The following TBC1D19 variants were observed in gnomAD, a reference collection of about 807,000 sequenced individuals.
The protein encoded by TBC1D19 is TBC1 domain family, member 19.
Under a neutral mutation model 89.0 loss-of-function variants are expected in TBC1D19, and 60 were observed. The ratio of observed to expected loss-of-function variants is 0.67; its 90% CI spans 0.55 to 0.84. The LOEUF (loss-of-function observed/expected upper bound fraction) is 0.84, where lower values mean the gene tolerates loss of function less well. TBC1D19 is among the 40% of genes least tolerant of loss of function. TBC1D19 has a pLI of 0.00. For missense variants in TBC1D19, 500 were observed against 610.8 expected (o/e 0.82, Z 1.91); for synonymous variants, 189 against 199.7 (o/e 0.95, Z 0.45).
the TBC1D19 span, among the ~76,000 whole-genome samples, chr4:26,766,514 A>T: frequency 1.1e-4 from 16 of 152,184 alleles, no homozygotes; most frequent in African/African-American, 3.9e-4. Context: ...TCCACTCCTA[A>T]GTAACCACCA....
the TBC1D19 span, among the ~76,000 whole-genome samples, chr4:26,850,560 A>AAAAAAAAAAAAAG: frequency 1.3e-5 from 2 of 148,590 alleles, no homozygotes; most frequent in African/African-American, 5.0e-5. Flanking sequence ...AAAAAAAAAA[A>AAAAAAAAAAAAAG]AAGAAGAAGA....
chr4:26,744,139 AG>A (rs1250233729), intron 18 of TBC1D19, among the ~76,000 whole-genome samples: 3 of 151,570 alleles, frequency 2.0e-5, no homozygotes, highest in Non-Finnish European at 3.0e-5. Context: ...GTCTTTTACT[AG>A]GTTATCATAT....
At chr4:26,853,243 T>C in the TBC1D19 span, among the ~76,000 whole-genome samples, 1 of 152,200 alleles carries the variant, frequency 6.6e-6, no homozygotes, top group African/African-American at 2.4e-5. Context: ...ACATACATCC[T>C]TTCCCCAAAA....
rs565292548 is a variant in TBC1D19 at position 26,681,673 on chromosome 4, C to A, written c.817-2002C>A. 5.2e-4 allele frequency among the ~76,000 whole-genome samples: 79 copies of A among 152,226 alleles called. 2 individuals are homozygous for A. The South Asian group carries it at 0.016, about 31-fold the overall frequency. ...CAACATTATTTGTAGGGACAAACAA[C>A]CTGAGTATCCATCTATAGGGATATG... On this transcript the variant is annotated intron_variant, in intron 11 of 20. Transcript: ENST00000264866.
the TBC1D19 span, among the ~76,000 whole-genome samples, chr4:26,846,216 T>C: frequency 2.0e-5 from 3 of 152,244 alleles, no homozygotes; most frequent in African/African-American, 7.2e-5. Context: ...GAATATCTTA[T>C]ATTTTTTAAT....
chr4:26,688,959 A>T (rs1307020689), intron 13 of TBC1D19, among the ~76,000 whole-genome samples: 1 of 152,062 alleles, frequency 6.6e-6, no homozygotes, highest in Non-Finnish European at 1.5e-5. Flanking sequence ...AGATATGTAC[A>T]TATTAATAAT....
At chr4:26,619,775 C>T (rs1741921840) in intron 3 of TBC1D19, among the ~76,000 whole-genome samples, 1 of 152,098 alleles carries the variant, frequency 6.6e-6, no homozygotes, top group South Asian at 2.1e-4. Flanking sequence ...TTTCTCTATT[C>T]CAGCAATGTT....
intron 13 of TBC1D19, among the ~76,000 whole-genome samples, chr4:26,690,694 G>A (rs1714197230): frequency 6.6e-6 from 1 of 152,152 alleles, no homozygotes; most frequent in Non-Finnish European, 1.5e-5. Context: ...TACTGTTGAA[G>A]CCTACTATTC....
chr4:26,827,674 T>C, the TBC1D19 span, among the ~76,000 whole-genome samples: 1 of 151,942 alleles, frequency 6.6e-6, no homozygotes, highest in Admixed American at 6.6e-5. Flanking sequence ...TTTTTGAGGA[T>C]GGAACCAATT....
intron 13 of TBC1D19, among the ~76,000 whole-genome samples, chr4:26,692,756 A>T (rs984559229): frequency 6.6e-6 from 1 of 152,266 alleles, no homozygotes; most frequent in Non-Finnish European, 1.5e-5. Context: ...AGGAGTCCTG[A>T]TGGGATAGGA....
At chr4:26,800,641 A>G in the TBC1D19 span, among the ~76,000 whole-genome samples, 251 of 152,196 alleles carry the variant, frequency 1.6e-3, no homozygotes, top group African/African-American at 5.8e-3. Flanking sequence ...AAGTGTTCCT[A>G]TTTCTCCACA....
the TBC1D19 span, among the ~76,000 whole-genome samples, chr4:26,792,059 A>C: frequency 0.36 from 54,933 of 152,046 alleles, 10,939 homozygotes; most frequent in East Asian, 0.57. Context: ...GGCTGAAAAG[A>C]GGTGACCACT....
At chr4:26,632,391 A>T (rs544705863) in intron 4 of TBC1D19, among the ~76,000 whole-genome samples, 1 of 151,460 alleles carries the variant, frequency 6.6e-6, no homozygotes, top group African/African-American at 2.4e-5. Context: ...ATATTCTTAT[A>T]ATAAGGAATA....
chr4:26,672,955 T>A (rs1712448375), intron 10 of TBC1D19, among the ~76,000 whole-genome samples: 1 of 152,086 alleles, frequency 6.6e-6, no homozygotes, highest in East Asian at 1.9e-4. Context: ...AGATTTTTTT[T>A]AAGAAGAAAA....
chr4:26,678,515 C>A (rs1713043568), intron 11 of TBC1D19, among the ~76,000 whole-genome samples: 1 of 149,332 alleles, frequency 6.7e-6, no homozygotes, highest in Non-Finnish European at 1.5e-5. Context: ...CTTTGCCTGG[C>A]TCAGCGAAAC....
At chr4:26,730,004 CTT>C (rs1717555924) in intron 15 of TBC1D19, among the ~76,000 whole-genome samples, 1 of 152,066 alleles carries the variant, frequency 6.6e-6, no homozygotes, top group Non-Finnish European at 1.5e-5. Context: ...TGAAAGATAA[CTT>C]GAGCTCTCTA....
chr4:26,796,153 T>C, the TBC1D19 span, among the ~76,000 whole-genome samples: 1 of 152,252 alleles, frequency 6.6e-6, no homozygotes, highest in Admixed American at 6.5e-5. Flanking sequence ...ACATGGTTTC[T>C]AACATTTTGT....
chr4:26,797,148 A>G, the TBC1D19 span, among the ~76,000 whole-genome samples: 1 of 152,218 alleles, frequency 6.6e-6, no homozygotes, highest in South Asian at 2.1e-4. Flanking sequence ...GGCTCCTCTG[A>G]AAGATTCCTA....
chr4:26,591,891 C>G lies in TBC1D19; in HGVS notation c.99+7599C>G, dbSNP rs192892706. ...AGTCCAGGACCAGACGGATTCACAGCCAGATTCTACCAGAGGTACAAGGAG... is the reference window on the plus strand; with the variant it reads ...AGTCCAGGACCAGACGGATTCACAGGCAGATTCTACCAGAGGTACAAGGAG... On this transcript the variant is annotated intron_variant, in intron 1 of 20. Transcript: ENST00000264866. Among the ~76,000 whole-genome samples, 816 of 152,276 alleles carry G rather than the reference C, an allele frequency of 5.4e-3. 11 individuals are homozygous for G. The highest frequency in any genetic ancestry group is 0.019 in the African/African-American group (779 of 41,556).
Sources: gnomAD v4.1 joint callset for allele counts (sites outside exome capture counted in the v4.1 genomes callset) on GRCh38, gnomAD v4.1.1 for gene constraint, MANE v1.5 for transcripts, NCBI Gene and HGNC (gene_info 2026-07-23, HGNC 2026-07-21) for gene names.